Variants in CDC27 observed in about 807,000 individuals in gnomAD.
CDC27 encodes the protein cell division cycle protein 27 homolog.
Under a neutral mutation model 109.7 loss-of-function variants are expected in CDC27, and 27 were observed. That is an observed-to-expected ratio of 0.25 (90% CI 0.18 to 0.34). The LOEUF (loss-of-function observed/expected upper bound fraction) is 0.34, where lower values mean the gene tolerates loss of function less well. CDC27 is among the 10% of genes least tolerant of loss of function. The pLI is 1.00. For synonymous variants in CDC27, 266 were observed against 333.9 expected (o/e 0.80, Z 2.22); for missense variants, 579 against 960.2 (o/e 0.60, Z 5.25).
chr17:47,142,835 C>T (rs1049353581), intron 10 of CDC27, among the ~76,000 whole-genome samples: 9 of 152,076 alleles, frequency 5.9e-5, no homozygotes, highest in Non-Finnish European at 1.3e-4. Flanking sequence ...TGAGCCACCA[C>T]GCCCGGTTAA....
intron 9 of CDC27, among the ~76,000 whole-genome samples, chr17:47,150,605 A>T (rs1017776982): frequency 4.6e-5 from 7 of 152,238 alleles, no homozygotes; most frequent in African/African-American, 1.7e-4. Flanking sequence ...ATGGCTTTAC[A>T]ACTGTAAGAG....
chr17:47,164,545 G>A (rs1002183675), intron 4 of CDC27, among the ~76,000 whole-genome samples: 1 of 152,148 alleles, frequency 6.6e-6, no homozygotes, highest in African/African-American at 2.4e-5. Flanking sequence ...CGCTGGACAC[G>A]GTGGCTCATG....
chr17:47,158,972 G>C (rs181601953), intron 4 of CDC27, among the ~76,000 whole-genome samples: 15 of 152,174 alleles, frequency 9.9e-5, no homozygotes, highest in African/African-American at 1.9e-4. Context: ...GGCAGGTCTC[G>C]AACTCATGAG....
At chr17:47,163,581 A>G (rs1335944826) in intron 4 of CDC27, among the ~76,000 whole-genome samples, 3 of 152,186 alleles carry the variant, frequency 2.0e-5, no homozygotes, top group South Asian at 4.1e-4. Context: ...ATTCCTCTGA[A>G]GAAGGAGAAA....
At position 47,120,842 on chromosome 17, in the gene CDC27, G is replaced by A. The variant is rs1042946253; in HGVS notation, c.*93C>T. The A allele has an allele frequency of 9.3e-6, 8 of 856,708 alleles. No homozygotes were observed. The highest frequency in any genetic ancestry group is 2.0e-5 in the Admixed American group (1 of 49,234). The allele number at this position is 856,708 out of a possible 1,614,324, so 53.1% of individuals were successfully genotyped here. A position where few individuals can be genotyped will look rare whatever the true frequency, so the allele number is the denominator to read the frequency against. On this transcript the variant is annotated 3_prime_UTR_variant, in exon 19 of 19. Coordinates refer to ENST00000066544, the MANE Select transcript of CDC27 (RefSeq NM_001256.6). ...GGTATAAGTGACGGACGATGACACC[G>A]CCAGCTCAAGAGTAAAGACTCAGTA...
At chr17:47,146,379 C>A (rs1257988939) in intron 9 of CDC27, among the ~76,000 whole-genome samples, 1 of 152,220 alleles carries the variant, frequency 6.6e-6, no homozygotes, top group African/African-American at 2.4e-5. Flanking sequence ...GGACTGTGAT[C>A]TTAACCTGTG....
chr17:47,133,060 TATACACAC>T (rs2062426976), intron 14 of CDC27, among the ~76,000 whole-genome samples: 1 of 46,788 alleles, frequency 2.1e-5, no homozygotes, highest in Non-Finnish European at 3.9e-5. Flanking sequence ...CACACATACA[TATACACAC>T]ACACACACAC....
At chr17:47,150,276 G>A (rs539894518) in intron 9 of CDC27, among the ~76,000 whole-genome samples, 1 of 152,292 alleles carries the variant, frequency 6.6e-6, no homozygotes, top group African/African-American at 2.4e-5. Flanking sequence ...CTCCCCAAAA[G>A]ATATGTTGAA....
intron 2 of CDC27, among the ~76,000 whole-genome samples, chr17:47,179,349 G>A (rs151311385): frequency 1.5e-3 from 226 of 152,186 alleles, no homozygotes; most frequent in African/African-American, 5.1e-3. Context: ...GAAAACTGTT[G>A]CCAAGAATTC....
chr17:47,169,918 A>C lies in CDC27; in HGVS notation c.376T>G (p.Cys126Gly), dbSNP rs1447218338. 1.3e-6 allele frequency: 2 copies of C among 1,581,898 alleles called. No homozygotes were observed. The highest frequency in any genetic ancestry group is 1.7e-6 in the Non-Finnish European group (2 of 1,169,654). Residue 126 changes from cysteine to glycine, a missense_variant and splice_region_variant, in exon 4 of 19, where the codon TGC (cysteine) becomes GGC (glycine). Cys to Gly is a radical substitution (Grantham distance 159). Around this residue, in one of 9 missense-constraint regions of CDC27, gnomAD observed 52 missense variants for 63.4 expected, o/e 0.82. Coordinates refer to ENST00000066544, the MANE Select transcript of CDC27 (RefSeq NM_001256.6). ...ACAGTTTGAATCATTCTTACTTACC[A>C]ATATACATGTCCCAACAATGAAAGA... is the stretch of plus-strand genomic sequence containing the variant. ...FTLSLLGHVY[C>G]KTDRLAKGSE...
rs756600293 is a variant in CDC27 at position 47,189,126 on chromosome 17, G to T, written c.27+20C>A. The stretch of plus-strand genomic sequence containing the variant: ...GACCGAGGCTGCCAGCCAAGCCCCA[G>T]AGAAGAAGGTTATCATTACCTGGAC... On this transcript the variant is annotated intron_variant, in intron 1 of 18. Coordinates refer to ENST00000066544, the MANE Select transcript of CDC27 (RefSeq NM_001256.6). 1.2e-6 allele frequency: 2 copies of T among 1,612,588 alleles called. No homozygotes were observed. The highest frequency in any genetic ancestry group is 2.2e-5 in the South Asian group (2 of 91,064).
chr17:47,153,156 A>G (rs566269092), intron 8 of CDC27, among the ~76,000 whole-genome samples: 227 of 152,302 alleles, frequency 1.5e-3, no homozygotes, highest in Non-Finnish European at 2.9e-3. Context: ...ACTGCACTCA[A>G]TACCTGGTTT....
chr17:47,144,587 T>G (rs1056791101), intron 9 of CDC27, among the ~76,000 whole-genome samples: 5 of 152,230 alleles, frequency 3.3e-5, no homozygotes, highest in Non-Finnish European at 7.3e-5. Flanking sequence ...TTATTCTCTT[T>G]AGAGCGAAAG....
chr17:47,134,076 T>G (rs2062487743), intron 14 of CDC27, among the ~76,000 whole-genome samples: 1 of 152,074 alleles, frequency 6.6e-6, no homozygotes, highest in East Asian at 1.9e-4. Flanking sequence ...ATTTTTAATT[T>G]TTTGTGGAGA....
chr17:47,181,634 C>T lies in CDC27; in HGVS notation c.31G>A (p.Ala11Thr). Residue 11 changes from alanine (A) to threonine (T), a missense_variant, in exon 2 of 19, where the codon GCT (alanine) becomes ACT (threonine). This residue lies in a region of CDC27 where 44 missense variants were observed against 102.2 expected (regional missense o/e 0.43). Coordinates refer to ENST00000066544, the MANE Select transcript of CDC27 (RefSeq NM_001256.6). ...TAGTGGTTTAGTGCTTGCCATATAG[C>T]AGCCTGCAAATGGAGGAAAAAGAAC... is the stretch of plus-strand genomic sequence containing the variant. Reference protein sequence around the residue: MTVLQEPVQAAIWQALNHYAY... With the variant: MTVLQEPVQATIWQALNHYAY... 6.3e-7 allele frequency: 1 copy of T among 1,595,116 alleles called. No individual in the cohort carries two copies. The highest frequency in any genetic ancestry group is 8.6e-7 in the Non-Finnish European group (1 of 1,165,452).
intron 9 of CDC27, among the ~76,000 whole-genome samples, chr17:47,147,153 C>A (rs149486294): frequency 0.079 from 12,028 of 152,162 alleles, 643 homozygotes; most frequent in South Asian, 0.19. Flanking sequence ...GTAATCCCAG[C>A]ACTTTGGGAG....
Position 47,129,264 on chromosome 17 carries a change from A to T in CDC27, c.2160+129T>A, listed in dbSNP as rs926796579. 4.1e-6 allele frequency: 3 copies of T among 730,112 alleles called. No homozygotes were observed. The Admixed American group carries it at 7.7e-5, about 19-fold the overall frequency. The allele number at this position is 730,112 out of a possible 1,614,324, so 45.2% of individuals were successfully genotyped here. Reference sequence around the variant, plus strand: ...CATGAAGACATAAAAATCACAAAAAATGAAATTAACAGCTTGGAAAAATGT... The same window carrying T: ...CATGAAGACATAAAAATCACAAAAATTGAAATTAACAGCTTGGAAAAATGT... On this transcript the variant is annotated intron_variant, in intron 16 of 18. Coordinates refer to ENST00000066544, the MANE Select transcript of CDC27 (RefSeq NM_001256.6).
intron 9 of CDC27, among the ~76,000 whole-genome samples, chr17:47,146,918 T>C (rs1423812387): frequency 1.3e-5 from 2 of 151,660 alleles, no homozygotes; most frequent in Non-Finnish European, 2.9e-5. Context: ...AAAAAAAAAT[T>C]AGCCATATGT....
At position 47,133,160 on chromosome 17, in the gene CDC27, C is replaced by T. The variant is rs2062446166; in HGVS notation, c.1914-786G>A. Among the ~76,000 whole-genome samples, 5 of 126,184 alleles carry T rather than the reference C, an allele frequency of 4.0e-5. No individual in the cohort carries two copies. In the Admixed American group the frequency reaches 4.1e-4, roughly 10 times the overall value. The allele number at this position is 126,184 out of a possible 152,430, so 82.8% of individuals were successfully genotyped here. ...ATAATATATATGTATTTTTTTGAGA[C>T]AGAGTTTTGCTCTTGTTGCCCAGGC... On this transcript the variant is annotated intron_variant, in intron 14 of 18. Coordinates refer to ENST00000066544, the MANE Select transcript of CDC27 (RefSeq NM_001256.6).
Sources: allele counts gnomAD v4.1 joint callset (sites outside exome capture counted in the v4.1 genomes callset), GRCh38; gene constraint gnomAD v4.1.1; regional missense constraint gnomAD v4.1.1; transcripts MANE v1.5; gene names NCBI Gene and HGNC (gene_info 2026-07-23, HGNC 2026-07-21).